The following CLYBL variants were observed in gnomAD, a reference collection of about 807,000 sequenced individuals.
The protein encoded by CLYBL is citramalyl-CoA lyase, also known as citramalyl-CoA lyase, mitochondrial.
In CLYBL, 31 loss-of-function variants were observed where a neutral mutation model predicts 38.9. The ratio of observed to expected loss-of-function variants is 0.80; its 90% CI spans 0.60 to 1.08. CLYBL has a LOEUF of 1.08. CLYBL is among the 50% of genes least tolerant of loss of function. CLYBL has a pLI of 0.00. For missense variants in CLYBL, 434 were observed against 411.6 expected, an observed-to-expected ratio of 1.05 and a Z score of -0.47; for synonymous variants, 171 against 158.6, an observed-to-expected ratio of 1.08 and a Z score of -0.59.
chr13:99,906,444 TTTC>T (rs2052698954), intron 9 of CLYBL, among the ~76,000 whole-genome samples: 1 of 151,458 alleles, frequency 6.6e-6, no homozygotes, highest in Non-Finnish European at 1.5e-5. Flanking sequence ...TTCTTTTTTT[TTTC>T]TTTTTTGAGA....
chr13:99,890,667 C>T (rs9557326), intron 7 of CLYBL, among the ~76,000 whole-genome samples: 32,524 of 151,916 alleles, frequency 0.21, 3,828 homozygotes, highest in East Asian at 0.39. Context: ...AGGGTTTCAC[C>T]GTGTTGGCCA....
chr13:99,798,576 G>A lies in CLYBL; in HGVS notation c.249+25566G>A, dbSNP rs545582127. ...TCATTTTAATTGGAATTTGCATGAT[G>A]TAAAAGAGAGTATTAATACATGTAA... On this transcript the variant is annotated intron_variant, in intron 2 of 8. Transcript: ENST00000339105. Among the ~76,000 whole-genome samples, 21 of 152,308 alleles carry A rather than the reference G, an allele frequency of 1.4e-4. No individual in the cohort carries two copies. In the South Asian group the frequency reaches 3.9e-3, roughly 29 times the overall value.
intron 2 of CLYBL, among the ~76,000 whole-genome samples, chr13:99,844,769 G>T (rs1327838848): frequency 1.3e-5 from 2 of 152,168 alleles, no homozygotes; most frequent in Non-Finnish European, 2.9e-5. Context: ...CAGCCACAAA[G>T]CTCGGCTTTT....
At chr13:99,790,821 C>T (rs748736470) in intron 2 of CLYBL, among the ~76,000 whole-genome samples, 2 of 152,190 alleles carry the variant, frequency 1.3e-5, no homozygotes, top group Non-Finnish European at 2.9e-5. Flanking sequence ...GGATTCCCTT[C>T]ACTTTTCCCT....
chr13:99,800,628 C>G (rs2050112614), intron 2 of CLYBL, among the ~76,000 whole-genome samples: 1 of 152,138 alleles, frequency 6.6e-6, no homozygotes, highest in African/African-American at 2.4e-5. Flanking sequence ...AATCCCAGCA[C>G]TTTGGGAGGC....
chr13:99,737,786 C>G (rs1268292343), intron 1 of CLYBL, among the ~76,000 whole-genome samples: 1 of 152,186 alleles, frequency 6.6e-6, no homozygotes, highest in African/African-American at 2.4e-5. Context: ...ATGTGCTAGG[C>G]TGTAAGCTGA....
chr13:99,847,728 CGAAG>C (rs2051239909), intron 2 of CLYBL, among the ~76,000 whole-genome samples: 1 of 152,192 alleles, frequency 6.6e-6, no homozygotes, highest in Non-Finnish European at 1.5e-5. Context: ...GACCCTCCTT[CGAAG>C]GAAGGAACTC....
intron 7 of CLYBL, among the ~76,000 whole-genome samples, chr13:99,879,238 C>T (rs183579287): frequency 6.6e-6 from 1 of 152,292 alleles, no homozygotes; most frequent in East Asian, 1.9e-4. Context: ...ATTTTCTAGC[C>T]CCATCTTTCC....
At chr13:99,891,256 A>G in intron 7 of CLYBL, 62 bp from the exon 8 acceptor site, 1 of 1,220,404 alleles carries the variant, frequency 8.2e-7, no homozygotes, top group Non-Finnish European at 1.2e-6. Context: ...ACAAGTGTGC[A>G]CAGAAAGGAA....
At chr13:99,870,436 C>T (rs75964624) in intron 6 of CLYBL, among the ~76,000 whole-genome samples, 5 of 143,188 alleles carry the variant, frequency 3.5e-5, no homozygotes, top group African/African-American at 9.8e-5. Context: ...GTTGTAATGA[C>T]TGCCTCTGTA....
At chr13:99,768,192 C>CTTTTT (rs58499426) in intron 1 of CLYBL, among the ~76,000 whole-genome samples, 62 of 102,700 alleles carry the variant, frequency 6.0e-4, no homozygotes, top group African/African-American at 1.1e-3. Context: ...TTTTCTTTTT[C>CTTTTT]TTTTTTTTTT....
chr13:99,635,413 G>A (rs1375634511), intron 1 of CLYBL, among the ~76,000 whole-genome samples: 1 of 151,994 alleles, frequency 6.6e-6, no homozygotes, highest in Non-Finnish European at 1.5e-5. Context: ...CCCTACCCAG[G>A]TCCAACCTTG....
intron 1 of CLYBL, among the ~76,000 whole-genome samples, chr13:99,723,910 C>T (rs1004722826): frequency 2.6e-5 from 4 of 152,088 alleles, no homozygotes; most frequent in Non-Finnish European, 5.9e-5. Context: ...TCATCAAGGG[C>T]GGAGAGAAAA....
chr13:99,786,377 C>T (rs892851028), intron 2 of CLYBL, among the ~76,000 whole-genome samples: 3 of 151,876 alleles, frequency 2.0e-5, no homozygotes, highest in Admixed American at 2.0e-4. Flanking sequence ...CCACAACAGA[C>T]CCTGGTGTGT....
intron 1 of CLYBL, among the ~76,000 whole-genome samples, chr13:99,692,704 C>A (rs9645897): frequency 0.022 from 3,284 of 152,246 alleles, 61 homozygotes; most frequent in Middle Eastern, 0.086. Flanking sequence ...CTAAAAGAAA[C>A]CCCATACCCA....
rs555590517 is a variant in CLYBL, at chr13:99,635,210, G to A, written c.62+28453G>A. On this transcript the variant is annotated intron_variant, in intron 1 of 8. Transcript: ENST00000339105. ...GTACGTTTCATTAGGTCTTCGTAAT[G>A]AAATGTACCTGGGGGTCATTAACAA... Among the ~76,000 whole-genome samples, 3 of 152,072 alleles carry A rather than the reference G, an allele frequency of 2.0e-5. 1 individual carries two copies. The South Asian group carries it at 6.2e-4, about 32-fold the overall frequency.
intron 2 of CLYBL, among the ~76,000 whole-genome samples, chr13:99,793,887 TAA>T (rs78578163): frequency 6.6e-5 from 9 of 136,784 alleles, no homozygotes; most frequent in South Asian, 2.3e-4. Context: ...AAATTAAGAT[TAA>T]AAAAAAAAAA....
At chr13:99,854,567 G>A (rs1032932624) in intron 2 of CLYBL, among the ~76,000 whole-genome samples, 9 of 152,050 alleles carry the variant, frequency 5.9e-5, no homozygotes, top group South Asian at 2.1e-4. Flanking sequence ...GCGAGACTGT[G>A]CCGCCCTGCC....
intron 1 of CLYBL, among the ~76,000 whole-genome samples, chr13:99,729,854 C>T (rs1408525469): frequency 6.8e-6 from 1 of 147,976 alleles, no homozygotes; most frequent in Admixed American, 6.9e-5. Context: ...TGGGGCCCTT[C>T]CCCCCGCCAG....
Sources: allele counts gnomAD v4.1 joint callset (sites outside exome capture counted in the v4.1 genomes callset), GRCh38; gene constraint gnomAD v4.1.1; transcripts MANE v1.5; gene names NCBI Gene and HGNC (gene_info 2026-07-23, HGNC 2026-07-21).